Variants in MAEA observed in about 807,000 individuals in gnomAD.
MAEA encodes the protein macrophage erythroblast attacher, E3 ubiquitin ligase.
In MAEA, 22 loss-of-function variants were observed where a neutral mutation model predicts 46.2. The ratio of observed to expected loss-of-function variants is 0.48; its 90% CI spans 0.34 to 0.68. The LOEUF (loss-of-function observed/expected upper bound fraction) is 0.68. MAEA is among the 30% of genes least tolerant of loss of function. The pLI is 0.01. For missense variants in MAEA, 393 were observed against 558.1 expected, an observed-to-expected ratio of 0.70 and a Z score of 2.98; for synonymous variants, 246 against 222.6, an observed-to-expected ratio of 1.11 and a Z score of -0.94.
intron 1 of MAEA, chr4:1,309,821 C>G: frequency 7.3e-7 from 1 of 1,371,362 alleles, no homozygotes; most frequent in Non-Finnish European, 9.5e-7. Flanking sequence ...GTCTGCAGCA[C>G]ACCAGCTGCC....
chr4:1,309,826 G>C, intron 1 of MAEA: 3 of 1,362,926 alleles, frequency 2.2e-6, no homozygotes, highest in Non-Finnish European at 2.9e-6. Context: ...CAGCACACCA[G>C]CTGCCCGGAG....
intron 1 of MAEA, among the ~76,000 whole-genome samples, chr4:1,298,343 T>C (rs950050894): frequency 6.6e-6 from 1 of 151,860 alleles, no homozygotes; most frequent in African/African-American, 2.4e-5. Flanking sequence ...GTCTTCTGGT[T>C]ATCCACGAAG....
At chr4:1,337,107 C>G in intron 7 of MAEA, 113 bp downstream of exon 7, 1 of 1,332,830 alleles carries the variant, frequency 7.5e-7, no homozygotes, top group Admixed American at 1.8e-5. Flanking sequence ...ACAGACAGCC[C>G]CGAGCTCCCG....
chr4:1,338,530 C>T lies in MAEA; in HGVS notation c.1008C>T (p.Ser336=). The stretch of plus-strand genomic sequence containing the variant: ...TGCCCATGGCCCACTGTGCCAACTC[C>T]CGCCTGGTCTGCAAGATTTCTGGCG... The part of the protein sequence containing the change: ...QPLPMAHCAN[S]RLVCKISGDV... The change falls in exon 8 of 9, where the codon TCC becomes TCT. Residue 336 remains serine, a synonymous_variant. Coordinates refer to ENST00000303400, the MANE Select transcript of MAEA (RefSeq NM_001017405.3). 1 of 1,613,394 alleles carries T rather than the reference C, an allele frequency of 6.2e-7. No individual in the cohort carries two copies. The highest frequency in any genetic ancestry group is 8.5e-7 in the Non-Finnish European group (1 of 1,180,016).
chr4:1,314,107 C>T (rs931101380), intron 2 of MAEA, among the ~76,000 whole-genome samples: 5 of 152,116 alleles, frequency 3.3e-5, no homozygotes, highest in Non-Finnish European at 5.9e-5. Context: ...GCAGGCGGAT[C>T]ACCTGAGGTC....
At chr4:1,330,034 C>CT in intron 5 of MAEA, 1 of 985,512 alleles carries the variant, frequency 1.0e-6, no homozygotes, top group African/African-American at 1.7e-5. Context: ...AGCCAGCGTG[C>CT]TGGGCCGGGC....
chr4:1,339,475 G>A lies in MAEA; in HGVS notation c.*306G>A. On this transcript the variant is annotated 3_prime_UTR_variant, in exon 9 of 9. Transcript: ENST00000303400. Reference sequence around the variant, plus strand: ...TAAACACCGAGGGAAACTTAAGAACGTTTAAAATATAGGAGTCCGTGATTT... The same window carrying A: ...TAAACACCGAGGGAAACTTAAGAACATTTAAAATATAGGAGTCCGTGATTT... 7.7e-6 allele frequency: 3 copies of A among 390,218 alleles called. No individual in the cohort carries two copies. The highest frequency in any genetic ancestry group is 6.3e-5 in the South Asian group (2 of 31,948). 24.2% of individuals were successfully genotyped at this position (390,218 alleles called of 1,614,324 possible).
intron 2 of MAEA, 28 bp downstream of exon 2, chr4:1,312,189 A>G: frequency 5.0e-6 from 8 of 1,612,912 alleles, no homozygotes; most frequent in Non-Finnish European, 6.8e-6. Flanking sequence ...GTCCCTCTTC[A>G]GTCTGGGGCA....
chr4:1,337,150 G>T, intron 7 of MAEA, 156 bp downstream of exon 7: 1 of 888,850 alleles, frequency 1.1e-6, no homozygotes, highest in Non-Finnish European at 1.7e-6. Flanking sequence ...TGGATGGTCG[G>T]GGTGGGGCCG....
intron 1 of MAEA, among the ~76,000 whole-genome samples, chr4:1,297,677 G>A (rs1734891130): frequency 6.6e-6 from 1 of 152,170 alleles, no homozygotes; most frequent in African/African-American, 2.4e-5. Context: ...CGAGGGCACG[G>A]GCCGTCCTTT....
At chr4:1,337,214 T>G in intron 7 of MAEA, 8 of 569,064 alleles carry the variant, frequency 1.4e-5, no homozygotes, top group East Asian at 3.1e-5. Flanking sequence ...AGTGGCGCGC[T>G]TCCTCTCTCA....
chr4:1,297,755 AT>A (rs1734901630), intron 1 of MAEA, among the ~76,000 whole-genome samples: 1 of 151,902 alleles, frequency 6.6e-6, no homozygotes, highest in South Asian at 2.1e-4. Flanking sequence ...GGCCGAACCA[AT>A]TTCTCCCCCG....
Position 1,322,253 on chromosome 4 carries a change from G to A in MAEA, c.457-128G>A, listed in dbSNP as rs1010968364. ...TAGTCCACGAGTGCAGACCCACAGTGTGGACTGGAGATGCATCTCGAGTGG... is the reference window on the plus strand; with the variant it reads ...TAGTCCACGAGTGCAGACCCACAGTATGGACTGGAGATGCATCTCGAGTGG... On this transcript the variant is annotated intron_variant, in intron 3 of 8. Transcript: ENST00000303400. 5.4e-6 allele frequency: 7 copies of A among 1,295,504 alleles called. No individual in the cohort carries two copies. The African/African-American group carries it at 8.8e-5, about 16-fold the overall frequency. 80.3% of individuals were successfully genotyped at this position (1,295,504 alleles called of 1,614,324 possible). A position where few individuals can be genotyped will look rare whatever the true frequency, so the allele number is the denominator to read the frequency against.
intron 5 of MAEA, chr4:1,328,713 C>A: frequency 7.9e-7 from 1 of 1,264,420 alleles, no homozygotes; most frequent in Non-Finnish European, 1.0e-6. Context: ...AGGGTGGTCC[C>A]CAAGACGCAC....
intron 1 of MAEA, among the ~76,000 whole-genome samples, chr4:1,307,223 G>A (rs141088028): frequency 9.2e-5 from 14 of 152,234 alleles, no homozygotes; most frequent in South Asian, 4.1e-4. Flanking sequence ...CGTAGACACC[G>A]TTCCGTAAGC....
In MAEA at chr4:1,303,942, GGGT is replaced by G. The variant is rs148491007; in HGVS notation, c.70-8034_70-8032del. ...CAGGGCAGGGGGGTCCGGCAGGGCA[GGGT>G]GGGGGTCGGGCAGGGCAGGGGGCGT... On this transcript the variant is annotated intron_variant, in intron 1 of 8. Transcript: ENST00000303400. Among the ~76,000 whole-genome samples, 242 of 106,674 alleles carry G rather than the reference GGGT, an allele frequency of 2.3e-3. 2 individuals are homozygous for G. Among genetic ancestry groups the G allele is most frequent in the African/African-American group, 0.015 (232 of 15,924 alleles). 70.0% of individuals were successfully genotyped at this position (106,674 alleles called of 152,430 possible).
intron 3 of MAEA, among the ~76,000 whole-genome samples, chr4:1,316,639 C>A (rs1325782417): frequency 6.6e-6 from 1 of 152,090 alleles, no homozygotes; most frequent in African/African-American, 2.4e-5. Flanking sequence ...TCTGTCTAAC[C>A]AGGGGTCTTC....
chr4:1,339,214 G>A lies in MAEA; in HGVS notation c.*45G>A, dbSNP rs1713210894. The A allele has an allele frequency of 2.7e-6, 4 of 1,461,992 alleles. No individual in the cohort carries two copies. Among genetic ancestry groups the A allele is most frequent in the African/African-American group, 2.8e-5 (2 of 71,918 alleles). 90.6% of individuals were successfully genotyped at this position (1,461,992 alleles called of 1,614,324 possible). On this transcript the variant is annotated 3_prime_UTR_variant, in exon 9 of 9. Coordinates refer to ENST00000303400, the MANE Select transcript of MAEA (RefSeq NM_001017405.3). ...ACGCCTCGGGGACGGGCTGCAGTGG[G>A]CGGGGAGGCCACGCCTTCCTCCTGT...
At chr4:1,306,221 A>C (rs1238293708) in intron 1 of MAEA, among the ~76,000 whole-genome samples, 1 of 152,186 alleles carries the variant, frequency 6.6e-6, no homozygotes, top group Non-Finnish European at 1.5e-5. Context: ...CATAAAATTC[A>C]CCATCGCGCT....
Sources: allele counts gnomAD v4.1 joint callset (sites outside exome capture counted in the v4.1 genomes callset), GRCh38; gene constraint gnomAD v4.1.1; transcripts MANE v1.5; gene names NCBI Gene and HGNC (gene_info 2026-07-23, HGNC 2026-07-21).